The following ZDHHC14 variants were observed in gnomAD, a reference collection of about 807,000 sequenced individuals.
ZDHHC14 encodes the protein palmitoyltransferase ZDHHC14.
In ZDHHC14, 16 loss-of-function variants were observed where a neutral mutation model predicts 47.7. The ratio of observed to expected loss-of-function variants is 0.34; its 90% confidence interval spans 0.23 to 0.51. The LOEUF is 0.51. Among genes scored for constraint, ZDHHC14 ranks in the 20% least tolerant of loss-of-function variants. The pLI, the probability that ZDHHC14 is intolerant of heterozygous loss-of-function variation, is 0.97. For synonymous variants in ZDHHC14, 293 were observed against 278.9 expected (o/e 1.05, Z -0.50); for missense variants, 515 against 662.5 (o/e 0.78, Z 2.44).
rs1204450432 is a variant in ZDHHC14 at position 157,427,639 on chromosome 6, C to T, written c.245+45373C>T. Among the ~76,000 whole-genome samples the T allele has an allele frequency of 3.9e-5, 6 of 152,012 alleles. No homozygotes were observed. Among genetic ancestry groups the T allele is most frequent in the Admixed American group, 3.9e-4 (6 of 15,276 alleles). ...GATATGAGAGGAGAACAGAGGGGCC[C>T]GCAGGCAGAGGAACGTGAGTATTGA... On this transcript the variant is annotated intron_variant, in intron 1 of 8. Transcript: ENST00000359775. This position sits in a 1 kb window ranked among gnomAD's most constrained non-coding sequence, Gnocchi z 4.4.
intron 8 of ZDHHC14, among the ~76,000 whole-genome samples, chr6:157,670,686 G>A (rs1464412010): frequency 6.6e-6 from 1 of 151,964 alleles, no homozygotes; most frequent in Non-Finnish European, 1.5e-5. Context: ...TCTTTCCCAA[G>A]CCTTCCCCAG....
chr6:157,396,850 G>GA (rs766382216), intron 1 of ZDHHC14, among the ~76,000 whole-genome samples: 1 of 152,158 alleles, frequency 6.6e-6, no homozygotes, highest in African/African-American at 2.4e-5. Context: ...TCTTTGGCTA[G>GA]AAAAAAATAA....
intron 2 of ZDHHC14, among the ~76,000 whole-genome samples, chr6:157,556,088 A>G (rs1010565653): frequency 6.6e-6 from 1 of 152,122 alleles, no homozygotes; most frequent in Non-Finnish European, 1.5e-5. Flanking sequence ...TTTACAAACT[A>G]GCGACTGAAC....
chr6:157,605,864 G>T (rs1784521302), intron 3 of ZDHHC14, among the ~76,000 whole-genome samples: 1 of 152,166 alleles, frequency 6.6e-6, no homozygotes, highest in Admixed American at 6.6e-5. Flanking sequence ...GTGGTCACCA[G>T]CCTATAAAGG....
chr6:157,490,165 A>G (rs1779879612), intron 1 of ZDHHC14, among the ~76,000 whole-genome samples: 1 of 152,112 alleles, frequency 6.6e-6, no homozygotes, highest in South Asian at 2.1e-4. Context: ...GCGAGGGGGG[A>G]ACAGGTCTTT....
chr6:157,392,517 C>G lies in ZDHHC14; in HGVS notation c.245+10251C>G, dbSNP rs574552476. On this transcript the variant is annotated intron_variant, in intron 1 of 8. Coordinates refer to ENST00000359775, the MANE Select transcript of ZDHHC14 (RefSeq NM_024630.3). ...TCATGTGGCCAGCTTTCTTTGGAAGCCTTGATAGCAAGGGTTTCTGATTGA... is the reference window on the plus strand; with the variant it reads ...TCATGTGGCCAGCTTTCTTTGGAAGGCTTGATAGCAAGGGTTTCTGATTGA... Among the ~76,000 whole-genome samples the G allele has an allele frequency of 7.4e-4, 113 of 152,152 alleles. 1 individual carries two copies. Among genetic ancestry groups the G allele is most frequent in the African/African-American group, 2.6e-3 (107 of 41,486 alleles).
intron 7 of ZDHHC14, among the ~76,000 whole-genome samples, chr6:157,648,538 A>T (rs1366520906): frequency 6.6e-6 from 1 of 151,982 alleles, no homozygotes; most frequent in East Asian, 1.9e-4. Context: ...CTAGAACTTG[A>T]TCATTTTCTA....
At chr6:157,484,549 G>GA (rs201607305) in intron 1 of ZDHHC14, among the ~76,000 whole-genome samples, 77 of 146,286 alleles carry the variant, frequency 5.3e-4, no homozygotes, top group South Asian at 1.5e-3. Context: ...AAAGTTAAAA[G>GA]AAAAAAAAAT....
At chr6:157,558,233 C>A (rs921601589) in intron 2 of ZDHHC14, among the ~76,000 whole-genome samples, 1 of 152,212 alleles carries the variant, frequency 6.6e-6, no homozygotes, top group Non-Finnish European at 1.5e-5. Context: ...TAGATCTAAA[C>A]TCCTCAACCG....
At chr6:157,584,711 G>A (rs569372657) in intron 2 of ZDHHC14, among the ~76,000 whole-genome samples, 40 of 152,246 alleles carry the variant, frequency 2.6e-4, no homozygotes, top group Admixed American at 7.8e-4. Context: ...CCCACATGCC[G>A]CACAGCCCCA....
rs34422181 is a variant in ZDHHC14, at chr6:157,677,240, TAAAAAAA to T, written c.*4133_*4139del. 1.6e-5 allele frequency: 2 copies of T among 126,592 alleles called. No individual in the cohort carries two copies. Among genetic ancestry groups the T allele is most frequent in the South Asian group, 2.7e-4 (1 of 3,712 alleles). The allele number at this position is 126,592 out of a possible 1,614,324, so 7.8% of individuals were successfully genotyped here. On this transcript the variant is annotated 3_prime_UTR_variant, in exon 9 of 9. Transcript: ENST00000359775. Reference sequence around the variant, plus strand: ...ATGCTATTTTCCAAGGTACCTCATTTAAAAAAAAAAAAAAAAAAAAACTGCCTCTCAT... The same window carrying T: ...ATGCTATTTTCCAAGGTACCTCATTTAAAAAAAAAAAAAACTGCCTCTCAT...
chr6:157,563,215 A>G (rs1782776600), intron 2 of ZDHHC14, among the ~76,000 whole-genome samples: 1 of 152,212 alleles, frequency 6.6e-6, no homozygotes, highest in Non-Finnish European at 1.5e-5. Context: ...TGGCAGAAGT[A>G]CTGGCCAGGC....
chr6:157,548,534 C>T (rs1367501025), intron 2 of ZDHHC14, among the ~76,000 whole-genome samples: 1 of 152,214 alleles, frequency 6.6e-6, no homozygotes, highest in Non-Finnish European at 1.5e-5. Flanking sequence ...GCAACCTCTG[C>T]CTCCCGGGTT....
intron 1 of ZDHHC14, among the ~76,000 whole-genome samples, chr6:157,394,071 A>C (rs539516330): frequency 6.6e-6 from 1 of 152,284 alleles, no homozygotes; most frequent in South Asian, 2.1e-4. Flanking sequence ...TCTTCTCAAT[A>C]GACAGTCTCA....
chr6:157,572,156 A>G (rs1203814748), intron 2 of ZDHHC14, among the ~76,000 whole-genome samples: 1 of 152,108 alleles, frequency 6.6e-6, no homozygotes, highest in Non-Finnish European at 1.5e-5. Context: ...CACTCTTGAT[A>G]TCTGGGGCTG....
chr6:157,481,135 C>A (rs35826552), intron 1 of ZDHHC14, among the ~76,000 whole-genome samples: 41,744 of 152,050 alleles, frequency 0.27, 6,345 homozygotes, highest in East Asian at 0.48. Flanking sequence ...TTTATATGTG[C>A]TTGCACGTGT....
At chr6:157,390,114 CT>C (rs1777393664) in intron 1 of ZDHHC14, among the ~76,000 whole-genome samples, 1 of 151,940 alleles carries the variant, frequency 6.6e-6, no homozygotes, top group South Asian at 2.1e-4. Flanking sequence ...TTGGTTTTTG[CT>C]TTTTCTGAAA....
intron 1 of ZDHHC14, among the ~76,000 whole-genome samples, chr6:157,395,930 ATAAT>A (rs1306881520): frequency 6.6e-6 from 1 of 152,098 alleles, no homozygotes. Flanking sequence ...TATTTTTCTC[ATAAT>A]TTATTAAGAG....
intron 2 of ZDHHC14, among the ~76,000 whole-genome samples, chr6:157,551,939 C>A (rs1782252006): frequency 6.6e-6 from 1 of 152,172 alleles, no homozygotes; most frequent in South Asian, 2.1e-4. Flanking sequence ...CCACTGAGTG[C>A]AAAGAGCCAT....
Sources: gnomAD v4.1 joint callset for allele counts (sites outside exome capture counted in the v4.1 genomes callset) on GRCh38, gnomAD v4.1.1 for gene constraint, Gnocchi (gnomAD v3.1) non-coding constraint, MANE v1.5 for transcripts, NCBI Gene and HGNC (gene_info 2026-07-23, HGNC 2026-07-21) for gene names.